NBEA: variants seen among roughly 807,000 people sequenced by gnomAD.
NBEA encodes neurobeachin, also known as lysosomal-trafficking regulator 2.
Under a neutral mutation model 343.4 loss-of-function variants are expected in NBEA, and 44 were observed. That is an observed-to-expected ratio of 0.13 (90% confidence interval 0.10 to 0.16). The LOEUF (loss-of-function observed/expected upper bound fraction) is 0.16, where lower values mean the gene tolerates loss of function less well. NBEA is among the 10% of genes least tolerant of loss of function. The pLI is 1.00. For synonymous variants in NBEA, 1,175 were observed against 1,238.7 expected (o/e 0.95, Z 1.08); for missense variants, 2,555 against 3,631.3 (o/e 0.70, Z 7.62).
intron 34 of NBEA, chr13:35,251,766 C>A (rs1464654504): frequency 6.5e-5 from 13 of 200,570 alleles, no homozygotes; most frequent in Non-Finnish European, 1.2e-4. Context: ...AAGAGCGTTG[C>A]TTACCAGCTC....
intron 17 of NBEA, among the ~76,000 whole-genome samples, chr13:35,133,425 A>G (rs2067536726): frequency 6.6e-6 from 1 of 152,142 alleles, no homozygotes; most frequent in Admixed American, 6.5e-5. Context: ...ATCACATTGA[A>G]GAACAATTTA....
rs73491596 is a variant in NBEA at position 35,046,998 on chromosome 13, G to A, written c.724-1565G>A. On this transcript the variant is annotated intron_variant, in intron 4 of 58. Coordinates refer to ENST00000379939, the MANE Select transcript of NBEA (RefSeq NM_001385012.1). ...AAATTCGGTTGTTTTTCTTATTATC[G>A]TAAGAGTTCATTATATATTTGGAAT... Among the ~76,000 whole-genome samples the A allele has an allele frequency of 6.4e-3, 975 of 151,884 alleles. 11 individuals carry two copies. Among genetic ancestry groups the A allele is most frequent in the African/African-American group, 0.023 (934 of 41,442 alleles).
chr13:34,964,434 T>A (rs2059756023), intron 1 of NBEA, among the ~76,000 whole-genome samples: 1 of 151,290 alleles, frequency 6.6e-6, no homozygotes, highest in Admixed American at 6.6e-5. Context: ...TTTTTTCTCA[T>A]AGCTCTACAC....
chr13:34,959,459 A>G (rs1194393113), intron 1 of NBEA, among the ~76,000 whole-genome samples: 3 of 152,074 alleles, frequency 2.0e-5, no homozygotes, highest in Non-Finnish European at 2.9e-5. Context: ...CATTAATACT[A>G]CATAGCAGTT....
intron 31 of NBEA, among the ~76,000 whole-genome samples, chr13:35,205,084 A>G (rs1466088336): frequency 6.6e-6 from 1 of 152,272 alleles, no homozygotes; most frequent in East Asian, 1.9e-4. Flanking sequence ...TAATTGTAAG[A>G]TTGATTGCTA....
At chr13:35,015,127 GAAAAAAAAAAAACAAACAA>G (rs1384879710) in intron 1 of NBEA, among the ~76,000 whole-genome samples, 15 of 18,318 alleles carry the variant, frequency 8.2e-4, no homozygotes, top group African/African-American at 3.6e-3. Flanking sequence ...AACGAGATCT[GAAAAAAAAAAAACAAACAA>G]AAAAAAAAAA....
chr13:35,662,503 A>G (rs532385921), intron 55 of NBEA, among the ~76,000 whole-genome samples: 26 of 152,296 alleles, frequency 1.7e-4, no homozygotes, highest in African/African-American at 6.3e-4. Flanking sequence ...AAATATAGGA[A>G]ACAAGCTTTC....
At chr13:35,530,937 C>A (rs565059859) in intron 41 of NBEA, among the ~76,000 whole-genome samples, 1 of 152,172 alleles carries the variant, frequency 6.6e-6, no homozygotes, top group African/African-American at 2.4e-5. Context: ...TTTTAGGAAG[C>A]TGACAGAGTT....
chr13:35,536,713 A>G (rs2078570096), intron 41 of NBEA, among the ~76,000 whole-genome samples: 1 of 152,330 alleles, frequency 6.6e-6, no homozygotes, highest in African/African-American at 2.4e-5. Flanking sequence ...GGTGGTCTCC[A>G]AGGTTGATTC....
At chr13:35,049,347 G>A (rs2062982056) in intron 5 of NBEA, among the ~76,000 whole-genome samples, 2 of 151,584 alleles carry the variant, frequency 1.3e-5, no homozygotes, top group African/African-American at 2.4e-5. Context: ...GTAATAAGAC[G>A]GCCTGTGTTC....
In NBEA at chr13:35,271,039, G is replaced by A. The variant is rs144034619; in HGVS notation, c.5777-19350G>A. On this transcript the variant is annotated intron_variant, in intron 34 of 58. Transcript: ENST00000379939. ...TTTGAGCTCCGATAACGGACAGACT[G>A]CCTCCTCAAGTGGGTCCCTGACCCC... Among the ~76,000 whole-genome samples the A allele has an allele frequency of 5.3e-5, 8 of 152,364 alleles. No individual in the cohort carries two copies. In the East Asian group the frequency reaches 1.5e-3, roughly 29 times the overall value.
chr13:35,465,914 A>G (rs910115699), intron 40 of NBEA, among the ~76,000 whole-genome samples: 8 of 152,036 alleles, frequency 5.3e-5, no homozygotes, highest in Non-Finnish European at 2.9e-5. Context: ...TTAAAGTTAG[A>G]GCATATAAGA....
intron 46 of NBEA, among the ~76,000 whole-genome samples, chr13:35,591,370 A>G (rs193287387): frequency 6.6e-6 from 1 of 152,234 alleles, no homozygotes; most frequent in Admixed American, 6.6e-5. Context: ...TATTTTTAAT[A>G]GTGAATTAAA....
intron 48 of NBEA, among the ~76,000 whole-genome samples, chr13:35,607,771 A>C (rs9544788): frequency 6.6e-6 from 1 of 151,950 alleles, no homozygotes; most frequent in South Asian, 2.1e-4. Flanking sequence ...AAAAAAAATG[A>C]ATATTAGTCC....
At chr13:35,666,341 A>G (rs1213614728) in intron 56 of NBEA, among the ~76,000 whole-genome samples, 4 of 151,974 alleles carry the variant, frequency 2.6e-5, no homozygotes, top group South Asian at 2.1e-4. Context: ...AAATGGACAC[A>G]TAGGATATTT....
At chr13:35,095,456 T>C (rs943929317) in intron 10 of NBEA, among the ~76,000 whole-genome samples, 18 of 151,720 alleles carry the variant, frequency 1.2e-4, no homozygotes, top group African/African-American at 4.1e-4. Context: ...TATGCTAATT[T>C]ATAAGAGATA....
chr13:35,010,432 T>A (rs1016008216), intron 1 of NBEA, among the ~76,000 whole-genome samples: 1 of 151,388 alleles, frequency 6.6e-6, no homozygotes, highest in African/African-American at 2.4e-5. Flanking sequence ...GAAACAAATA[T>A]TAGCCAGGTG....
chr13:35,349,871 G>A (rs1427017713), intron 37 of NBEA, among the ~76,000 whole-genome samples: 3 of 152,024 alleles, frequency 2.0e-5, no homozygotes, highest in Non-Finnish European at 4.4e-5. Context: ...GATAGACTAG[G>A]TCTAGTGATC....
intron 38 of NBEA, among the ~76,000 whole-genome samples, chr13:35,422,062 G>T (rs1409938712): frequency 5.4e-5 from 8 of 147,010 alleles, no homozygotes; most frequent in African/African-American, 1.8e-4. Flanking sequence ...GCCAAATTTA[G>T]AAAGTTTTCC....
Sources: gnomAD v4.1 joint callset for allele counts (sites outside exome capture counted in the v4.1 genomes callset) on GRCh38, gnomAD v4.1.1 for gene constraint, MANE v1.5 for transcripts, NCBI Gene and HGNC (gene_info 2026-07-23, HGNC 2026-07-21) for gene names.